The following ERGIC1 variants were observed in gnomAD, a reference collection of about 807,000 sequenced individuals.
ERGIC1 encodes endoplasmic reticulum-golgi intermediate compartment 1, also known as endoplasmic reticulum-Golgi intermediate compartment protein 1.
A neutral mutation model predicts 38.3 loss-of-function variants in ERGIC1; 19 were observed. The ratio of observed to expected loss-of-function variants is 0.50; its 90% CI spans 0.35 to 0.73. ERGIC1 has a LOEUF of 0.73. ERGIC1 is among the 30% of genes least tolerant of loss of function. The pLI is 0.01. For missense variants in ERGIC1, 294 were observed against 389.2 expected, an observed-to-expected ratio of 0.76 and a Z score of 2.06; for synonymous variants, 124 against 157.6, an observed-to-expected ratio of 0.79 and a Z score of 1.60.
rs187579947 is a variant in ERGIC1, at chr5:172,951,547, C to T, written c.*731C>T. Reference sequence around the variant, plus strand: ...CAAGGCGGGTCACAGATTCCTCTTCCTCTCTTCTCCTCGTTCCTCTGAACC... The same window carrying T: ...CAAGGCGGGTCACAGATTCCTCTTCTTCTCTTCTCCTCGTTCCTCTGAACC... On this transcript the variant is annotated 3_prime_UTR_variant, in exon 10 of 10. Coordinates refer to ENST00000393784, the MANE Select transcript of ERGIC1 (RefSeq NM_001031711.3). The T allele has an allele frequency of 6.6e-6, 1 of 152,380 alleles. No individual in the cohort carries two copies. Among genetic ancestry groups the T allele is most frequent in the Admixed American group, 6.5e-5 (1 of 15,284 alleles). The allele number at this position is 152,380 out of a possible 1,614,324, so 9.4% of individuals were successfully genotyped here. A position where few individuals can be genotyped will look rare whatever the true frequency, so the allele number is the denominator to read the frequency against.
chr5:172,853,462 A>G (rs1200140125), intron 1 of ERGIC1, among the ~76,000 whole-genome samples: 2 of 152,184 alleles, frequency 1.3e-5, no homozygotes, highest in African/African-American at 4.8e-5. Context: ...ATGACTACTT[A>G]GCATTTCCCT....
chr5:172,863,616 T>G (rs1236301058), intron 1 of ERGIC1, among the ~76,000 whole-genome samples: 1 of 152,196 alleles, frequency 6.6e-6, no homozygotes, highest in East Asian at 1.9e-4. Flanking sequence ...CTGAAGCCAC[T>G]TCTTCCAGGC....
At chr5:172,863,330 C>T (rs1261646433) in intron 1 of ERGIC1, among the ~76,000 whole-genome samples, 1 of 152,070 alleles carries the variant, frequency 6.6e-6, no homozygotes, top group Non-Finnish European at 1.5e-5. Flanking sequence ...TTTCTAAACT[C>T]GATTATGAGA....
intron 1 of ERGIC1, among the ~76,000 whole-genome samples, chr5:172,862,248 A>G (rs979601663): frequency 1.1e-4 from 16 of 143,378 alleles, no homozygotes; most frequent in African/African-American, 4.1e-4. Context: ...GCAGCCTTCC[A>G]AAGTGCTGGA....
chr5:172,883,077 C>T (rs1762324929), intron 1 of ERGIC1, among the ~76,000 whole-genome samples: 1 of 152,166 alleles, frequency 6.6e-6, no homozygotes, highest in African/African-American at 2.4e-5. Context: ...GGATTATAGG[C>T]ATGCTCTAAG....
chr5:172,908,029 C>T (rs995179142), intron 3 of ERGIC1, among the ~76,000 whole-genome samples: 2 of 151,932 alleles, frequency 1.3e-5, no homozygotes, highest in African/African-American at 4.8e-5. Context: ...TGTGGAGCCA[C>T]CTGCCCCTAA....
chr5:172,919,292 G>A (rs889521656), intron 5 of ERGIC1, among the ~76,000 whole-genome samples: 5 of 152,200 alleles, frequency 3.3e-5, no homozygotes, highest in Non-Finnish European at 5.9e-5. Context: ...ATGAACAGAC[G>A]TACACGCACA....
chr5:172,849,595 G>A (rs1035500148), intron 1 of ERGIC1, among the ~76,000 whole-genome samples: 3 of 152,146 alleles, frequency 2.0e-5, no homozygotes, highest in Non-Finnish European at 4.4e-5. Flanking sequence ...AGGCTTTGGG[G>A]GGTTGAGAGT....
intron 9 of ERGIC1, among the ~76,000 whole-genome samples, chr5:172,949,072 A>G (rs971849373): frequency 2.6e-5 from 4 of 152,178 alleles, no homozygotes; most frequent in African/African-American, 4.8e-5. Flanking sequence ...GTTTCCTTGC[A>G]AACCTTCTGT....
At chr5:172,907,550 T>G (rs1313768417) in intron 3 of ERGIC1, among the ~76,000 whole-genome samples, 1 of 149,944 alleles carries the variant, frequency 6.7e-6, no homozygotes, top group African/African-American at 2.5e-5. Context: ...AGAGCAAGAC[T>G]CTGTCAAAAA....
intron 7 of ERGIC1, among the ~76,000 whole-genome samples, chr5:172,928,064 G>A (rs1180838226): frequency 6.6e-6 from 1 of 152,128 alleles, no homozygotes; most frequent in Non-Finnish European, 1.5e-5. Context: ...ATGATTCTTG[G>A]TGTGGTGCCG....
intron 1 of ERGIC1, among the ~76,000 whole-genome samples, chr5:172,883,087 G>C (rs1012201946): frequency 6.6e-6 from 1 of 152,112 alleles, no homozygotes; most frequent in Non-Finnish European, 1.5e-5. Flanking sequence ...CATGCTCTAA[G>C]TGTGATTAAG....
chr5:172,895,837 C>CT (rs1455099589), intron 2 of ERGIC1, among the ~76,000 whole-genome samples: 3 of 152,026 alleles, frequency 2.0e-5, no homozygotes, highest in Non-Finnish European at 4.4e-5. Context: ...ATGCAGCTCT[C>CT]TGTGGGTGGG....
intron 1 of ERGIC1, among the ~76,000 whole-genome samples, chr5:172,869,303 C>G (rs1201177774): frequency 6.6e-6 from 1 of 152,224 alleles, no homozygotes; most frequent in African/African-American, 2.4e-5. Flanking sequence ...CAGGGAATTG[C>G]AAAATTCAGC....
intron 6 of ERGIC1, 101 bp downstream of exon 6, chr5:172,924,210 G>A (rs149317716): frequency 3.1e-4 from 353 of 1,141,612 alleles, no homozygotes; most frequent in East Asian, 2.8e-3. Context: ...AAGAGTTACC[G>A]TTAAGGTGAC....
chr5:172,944,902 G>A lies in ERGIC1; in HGVS notation c.766-5807G>A, dbSNP rs140598168. 3.1e-3 allele frequency among the ~76,000 whole-genome samples: 473 copies of A among 152,210 alleles called. 1 individual carries two copies. The highest frequency in any genetic ancestry group is 0.011 in the African/African-American group (440 of 41,542). On this transcript the variant is annotated intron_variant, in intron 9 of 9. Coordinates refer to ENST00000393784, the MANE Select transcript of ERGIC1 (RefSeq NM_001031711.3). ...TTTTCATCAGCACTGCCTTCCCCAC[G>A]CCCCCGGCTGACACCCCTGAGCGAG...
intron 1 of ERGIC1, among the ~76,000 whole-genome samples, chr5:172,835,669 C>G (rs1761016443): frequency 6.6e-6 from 1 of 152,200 alleles, no homozygotes; most frequent in African/African-American, 2.4e-5. Context: ...AGGCCCTTAG[C>G]CTGCCATGAC....
chr5:172,887,450 C>T (rs915389155), intron 1 of ERGIC1, among the ~76,000 whole-genome samples: 2 of 152,234 alleles, frequency 1.3e-5, no homozygotes, highest in Non-Finnish European at 2.9e-5. Flanking sequence ...TCACTCCTTT[C>T]CGTGGCCTCA....
In ERGIC1 at chr5:172,935,184, C is replaced by G. The variant is rs1561742860; in HGVS notation, c.643-4C>G. ...ACTTCTGATTCTTATATCCTCTACC[C>G]CAGGAATACGTCGCCTACAGCCACA... On this transcript the variant is annotated splice_polypyrimidine_tract_variant and splice_region_variant and intron_variant, in intron 8 of 9. Coordinates refer to ENST00000393784, the MANE Select transcript of ERGIC1 (RefSeq NM_001031711.3). The G allele has an allele frequency of 6.2e-7, 1 of 1,614,098 alleles. No individual in the cohort carries two copies. The highest frequency in any genetic ancestry group is 2.2e-5 in the East Asian group (1 of 44,874).
Sources: allele counts gnomAD v4.1 joint callset (sites outside exome capture counted in the v4.1 genomes callset), GRCh38; gene constraint gnomAD v4.1.1; transcripts MANE v1.5; gene names NCBI Gene and HGNC (gene_info 2026-07-23, HGNC 2026-07-21).